Variants in ME1 observed in about 807,000 individuals in gnomAD.
ME1 encodes the protein NADP-dependent malic enzyme.
In ME1, 74 loss-of-function variants were observed where a neutral mutation model predicts 66.4. That is an observed-to-expected ratio of 1.11 (90% CI 0.92 to 1.35). The LOEUF (loss-of-function observed/expected upper bound fraction) is 1.35. Ranked by LOEUF, ME1 falls within the 40% of genes most tolerant of loss-of-function variation. The pLI is 0.00. For missense variants in ME1, 750 were observed against 694.1 expected (o/e 1.08, Z -0.90); for synonymous variants, 251 against 235.6 (o/e 1.07, Z -0.60).
chr6:83,358,411 G>T (rs1768942680), intron 3 of ME1, among the ~76,000 whole-genome samples: 1 of 152,240 alleles, frequency 6.6e-6, no homozygotes, highest in African/African-American at 2.4e-5. Flanking sequence ...CTCAGAGATT[G>T]TATCTCCTGG....
intron 6 of ME1, among the ~76,000 whole-genome samples, chr6:83,292,541 T>C (rs1286304536): frequency 6.6e-6 from 1 of 152,210 alleles, no homozygotes; most frequent in African/African-American, 2.4e-5. Context: ...TGTCAGCCCC[T>C]ACTGGGAGGT....
chr6:83,292,986 A>G (rs1005015503), intron 6 of ME1, among the ~76,000 whole-genome samples: 29 of 152,164 alleles, frequency 1.9e-4, no homozygotes, highest in African/African-American at 6.5e-4. Flanking sequence ...TGCCGGTTGC[A>G]AAGATCATGG....
chr6:83,258,298 G>C (rs1184320594), intron 6 of ME1, among the ~76,000 whole-genome samples: 1 of 152,054 alleles, frequency 6.6e-6, no homozygotes, highest in East Asian at 1.9e-4. Context: ...GACTCCTAAA[G>C]ATTTAGAGAG....
At chr6:83,274,662 GTATAAGACA>G (rs1767143846) in intron 6 of ME1, among the ~76,000 whole-genome samples, 1 of 152,140 alleles carries the variant, frequency 6.6e-6, no homozygotes, top group African/African-American at 2.4e-5. Flanking sequence ...TTATTTCAGA[GTATAAGACA>G]TATATTGGGA....
intron 6 of ME1, among the ~76,000 whole-genome samples, chr6:83,282,897 G>T (rs1767324121): frequency 6.6e-6 from 1 of 152,030 alleles, no homozygotes; most frequent in South Asian, 2.1e-4. Context: ...AAGAAAATGT[G>T]GCACATATAC....
At chr6:83,334,054 C>A (rs896443135) in intron 5 of ME1, among the ~76,000 whole-genome samples, 1 of 152,106 alleles carries the variant, frequency 6.6e-6, no homozygotes, top group Non-Finnish European at 1.5e-5. Context: ...ATCTGAGGTA[C>A]CGGGTTCTTC....
intron 3 of ME1, among the ~76,000 whole-genome samples, chr6:83,391,574 G>A (rs1164371423): frequency 6.6e-6 from 1 of 151,896 alleles, no homozygotes; most frequent in African/African-American, 2.4e-5. Flanking sequence ...TCATGTAACT[G>A]CGTAAGACCA....
chr6:83,309,674 G>A (rs763374032), intron 6 of ME1, among the ~76,000 whole-genome samples: 15 of 152,060 alleles, frequency 9.9e-5, no homozygotes, highest in Non-Finnish European at 2.1e-4. Context: ...ATAAAGATTT[G>A]GGAGTCACAA....
rs758271356 is a variant in ME1, at chr6:83,259,269, C to G, written c.705-5531G>C. Among the ~76,000 whole-genome samples the G allele has an allele frequency of 5.4e-4, 82 of 151,978 alleles. 1 individual carries two copies. Among genetic ancestry groups the G allele is most frequent in the Non-Finnish European group, 1.1e-3 (72 of 67,992 alleles). On this transcript the variant is annotated intron_variant, in intron 6 of 13. Transcript: ENST00000369705. ...TGAGAGTGCTCAATGAATTAAGCAG[C>G]AAATAAGAAACATGGATCTTGCCCT...
chr6:83,212,121 A>T (rs756698189), intron 13 of ME1, 27 bp from the exon 14 acceptor site: 2 of 1,493,552 alleles, frequency 1.3e-6, no homozygotes, highest in African/African-American at 2.8e-5. Context: ...AATATTAATT[A>T]TTTTAATAAA....
At chr6:83,273,633 C>T (rs2128531594) in intron 6 of ME1, among the ~76,000 whole-genome samples, 1 of 152,184 alleles carries the variant, frequency 6.6e-6, no homozygotes. Flanking sequence ...CCTTTAAACT[C>T]CTGAAATATA....
intron 4 of ME1, among the ~76,000 whole-genome samples, chr6:83,351,405 CACTT>C (rs1768800173): frequency 6.6e-6 from 1 of 152,066 alleles, no homozygotes; most frequent in African/African-American, 2.4e-5. Flanking sequence ...GGAGAACAAA[CACTT>C]CTCACCTCCC....
At chr6:83,342,837 C>A (rs947685307) in intron 5 of ME1, among the ~76,000 whole-genome samples, 3 of 152,242 alleles carry the variant, frequency 2.0e-5, no homozygotes, top group African/African-American at 7.2e-5. Context: ...CAGGCATGTG[C>A]CACCATGCCC....
intron 4 of ME1, among the ~76,000 whole-genome samples, chr6:83,348,650 C>A (rs1381804158): frequency 6.6e-6 from 1 of 151,004 alleles, no homozygotes; most frequent in African/African-American, 2.4e-5. Context: ...TTTTTGATAG[C>A]TCATCTATGT....
chr6:83,306,946 T>G (rs1376024444), intron 6 of ME1, among the ~76,000 whole-genome samples: 1 of 152,028 alleles, frequency 6.6e-6, no homozygotes, highest in African/African-American at 2.4e-5. Flanking sequence ...TTAATGCAAT[T>G]GATTAGAATA....
intron 6 of ME1, among the ~76,000 whole-genome samples, chr6:83,293,779 T>C (rs1211122723): frequency 2.6e-5 from 4 of 152,190 alleles, no homozygotes; most frequent in African/African-American, 9.6e-5. Context: ...TCAATTTCTC[T>C]TTTGCCCAAT....
At chr6:83,285,224 G>A (rs1767374680) in intron 6 of ME1, among the ~76,000 whole-genome samples, 1 of 152,064 alleles carries the variant, frequency 6.6e-6, no homozygotes, top group Non-Finnish European at 1.5e-5. Context: ...AAAACAAAAT[G>A]GATTGGTTTT....
chr6:83,321,956 A>G (rs909592478), intron 5 of ME1, among the ~76,000 whole-genome samples: 1 of 152,214 alleles, frequency 6.6e-6, no homozygotes. Context: ...AGAGGAAGGA[A>G]CAGGCAGCAA....
At chr6:83,279,900 G>T (rs1424561335) in intron 6 of ME1, among the ~76,000 whole-genome samples, 1 of 152,112 alleles carries the variant, frequency 6.6e-6, no homozygotes, top group East Asian at 1.9e-4. Context: ...TATCTCCACA[G>T]GAAGACGAAT....
Sources: gnomAD v4.1 joint callset for allele counts (sites outside exome capture counted in the v4.1 genomes callset) on GRCh38, gnomAD v4.1.1 for gene constraint, MANE v1.5 for transcripts, NCBI Gene and HGNC (gene_info 2026-07-23, HGNC 2026-07-21) for gene names.